Variants in SLC39A10 observed in about 807,000 individuals in gnomAD.
The protein encoded by SLC39A10 is solute carrier family 39 member 10, also known as zinc transporter ZIP10.
A neutral mutation model predicts 65.1 loss-of-function variants in SLC39A10; 13 were observed. The observed-to-expected ratio is 0.20, with a 90% CI of 0.13 to 0.32. The LOEUF (loss-of-function observed/expected upper bound fraction) is 0.32. Ranked by LOEUF, SLC39A10 falls within the 10% of genes least tolerant of loss-of-function variation. SLC39A10 has a pLI of 1.00. For synonymous variants in SLC39A10, 321 were observed against 342.2 expected, an observed-to-expected ratio of 0.94 and a Z score of 0.68; for missense variants, 831 against 1,018.4, an observed-to-expected ratio of 0.82 and a Z score of 2.50.
chr2:195,638,952 G>GTTTTTTTT (rs35269104), intron 2 of SLC39A10, among the ~76,000 whole-genome samples: 4 of 146,748 alleles, frequency 2.7e-5, no homozygotes, highest in African/African-American at 2.5e-5. Context: ...GACCTTGGCA[G>GTTTTTTTT]TTTTTTTTTT....
At chr2:195,634,109 G>A (rs1688650611) in intron 2 of SLC39A10, among the ~76,000 whole-genome samples, 1 of 152,232 alleles carries the variant, frequency 6.6e-6, no homozygotes. Flanking sequence ...GCTGTAACCT[G>A]AAAATTTACA....
At position 195,735,090 on chromosome 2, in the gene SLC39A10, T is replaced by C. The variant is rs1692549708; in HGVS notation, c.*49T>C. The C allele has an allele frequency of 6.3e-7, 1 of 1,575,248 alleles. No homozygotes were observed. The highest frequency in any genetic ancestry group is 1.2e-5 in the South Asian group (1 of 83,632). ...TTACGAGAATGTTACCATGCAGCTT[T>C]GCATCTGTTCCTTGTACTGTATGCA... On this transcript the variant is annotated 3_prime_UTR_variant, in exon 10 of 10. Coordinates refer to ENST00000359634, the MANE Select transcript of SLC39A10 (RefSeq NM_020342.3).
chr2:195,670,863 T>C (rs1213116716), intron 1 of SLC39A10, among the ~76,000 whole-genome samples: 1 of 152,254 alleles, frequency 6.6e-6, no homozygotes, highest in East Asian at 1.9e-4. Context: ...CTAGAAATTA[T>C]GTGTTACTGA....
chr2:195,694,287 G>A (rs1184153605), intron 3 of SLC39A10, among the ~76,000 whole-genome samples: 1 of 152,142 alleles, frequency 6.6e-6, no homozygotes, highest in Admixed American at 6.6e-5. Context: ...TTGTTGGGTA[G>A]AATGTTCTGT....
At chr2:195,695,418 A>T (rs1430234114) in intron 3 of SLC39A10, among the ~76,000 whole-genome samples, 1 of 152,158 alleles carries the variant, frequency 6.6e-6, no homozygotes. Flanking sequence ...ACACTCCCAC[A>T]CAACCTGCAG....
intron 9 of SLC39A10, among the ~76,000 whole-genome samples, chr2:195,731,229 T>G (rs568001126): frequency 6.6e-6 from 1 of 152,280 alleles, no homozygotes; most frequent in Admixed American, 6.5e-5. Context: ...CTATCCTTAC[T>G]TCAAATCCTC....
In SLC39A10 at chr2:195,737,657, G is replaced by T; in HGVS notation, c.*2616G>T. On this transcript the variant is annotated 3_prime_UTR_variant, in exon 10 of 10. Coordinates refer to ENST00000359634, the MANE Select transcript of SLC39A10 (RefSeq NM_020342.3). ...GTGTCATTTTATGTATGTTCCTAAT[G>T]CTTATGGAACTCCTCCAAAATAAAG... The T allele has an allele frequency of 3.2e-6, 1 of 315,648 alleles. No homozygotes were observed. Among genetic ancestry groups the T allele is most frequent in the Non-Finnish European group, 6.0e-6 (1 of 167,998 alleles). The allele number at this position is 315,648 out of a possible 1,614,324, so 19.6% of individuals were successfully genotyped here.
chr2:195,669,963 A>G (rs1689788931), intron 1 of SLC39A10, among the ~76,000 whole-genome samples: 2 of 152,220 alleles, frequency 1.3e-5, no homozygotes, highest in African/African-American at 4.8e-5. Flanking sequence ...GATCAAGACC[A>G]TCCTGGCCAA....
intron 9 of SLC39A10, among the ~76,000 whole-genome samples, chr2:195,731,296 C>G (rs1003624574): frequency 6.6e-6 from 1 of 152,146 alleles, no homozygotes; most frequent in Non-Finnish European, 1.5e-5. Flanking sequence ...GATCACCCCT[C>G]CGGAATAGTT....
chr2:195,732,215 G>A (rs544080981), intron 9 of SLC39A10, among the ~76,000 whole-genome samples: 16 of 152,294 alleles, frequency 1.1e-4, no homozygotes, highest in Admixed American at 3.9e-4. Context: ...TTAAGCAGTA[G>A]AATGACATGA....
chr2:195,701,951 G>C (rs1309636615), intron 3 of SLC39A10, among the ~76,000 whole-genome samples: 1 of 152,124 alleles, frequency 6.6e-6, no homozygotes, highest in African/African-American at 2.4e-5. Context: ...AGAGTGTTAG[G>C]ATTACAGGCA....
intron 1 of SLC39A10, among the ~76,000 whole-genome samples, chr2:195,672,391 C>T (rs1055552664): frequency 1.3e-5 from 2 of 152,072 alleles, no homozygotes; most frequent in Admixed American, 6.6e-5. Flanking sequence ...TGGCCTCCTA[C>T]TAAAGTGCCA....
chr2:195,640,154 G>T (rs1336550054), intron 2 of SLC39A10, among the ~76,000 whole-genome samples: 1 of 152,094 alleles, frequency 6.6e-6, no homozygotes, highest in African/African-American at 2.4e-5. Flanking sequence ...GGTAAACACA[G>T]CATAACAGTA....
In SLC39A10 at chr2:195,717,930, C is replaced by A. The variant is rs373437906; in HGVS notation, c.2066-322C>A. Reference sequence around the variant, plus strand: ...CAAGTACAATCTTAGACTTATAAGACTTAAAGTTGACCATCAAACCACTAC... The same window carrying A: ...CAAGTACAATCTTAGACTTATAAGAATTAAAGTTGACCATCAAACCACTAC... On this transcript the variant is annotated intron_variant, in intron 7 of 9. Coordinates refer to ENST00000359634, the MANE Select transcript of SLC39A10 (RefSeq NM_020342.3). Among the ~76,000 whole-genome samples the A allele has an allele frequency of 3.3e-5, 5 of 152,154 alleles. No individual in the cohort carries two copies. In the East Asian group the frequency reaches 9.6e-4, roughly 29 times the overall value.
At chr2:195,686,028 A>G (rs557201176) in intron 3 of SLC39A10, among the ~76,000 whole-genome samples, 5 of 152,224 alleles carry the variant, frequency 3.3e-5, no homozygotes, top group Admixed American at 6.5e-5. Flanking sequence ...ATGAAAAACT[A>G]TGACGGAATT....
At chr2:195,630,855 A>G (rs937026498) in intron 2 of SLC39A10, among the ~76,000 whole-genome samples, 6 of 152,184 alleles carry the variant, frequency 3.9e-5, no homozygotes, top group Non-Finnish European at 5.9e-5. Context: ...TAAAACACCA[A>G]ACATATTTTG....
At chr2:195,618,008 G>A (rs1212215620) in intron 2 of SLC39A10, among the ~76,000 whole-genome samples, 2 of 151,084 alleles carry the variant, frequency 1.3e-5, no homozygotes, top group Non-Finnish European at 2.9e-5. Flanking sequence ...CAAAGTGCTG[G>A]GATTACAGGC....
chr2:195,690,719 T>C (rs896897235), intron 3 of SLC39A10, among the ~76,000 whole-genome samples: 1 of 152,202 alleles, frequency 6.6e-6, no homozygotes, highest in African/African-American at 2.4e-5. Flanking sequence ...AATCTGGTTA[T>C]TCTTTTTGTT....
chr2:195,625,282 T>C (rs1238579997), intron 2 of SLC39A10, among the ~76,000 whole-genome samples: 4 of 146,384 alleles, frequency 2.7e-5, no homozygotes, highest in East Asian at 2.3e-4. Flanking sequence ...TCTTTTTTTT[T>C]CTTTTTTTTT....
Sources: gnomAD v4.1 joint callset for allele counts (sites outside exome capture counted in the v4.1 genomes callset) on GRCh38, gnomAD v4.1.1 for gene constraint, MANE v1.5 for transcripts, NCBI Gene and HGNC (gene_info 2026-07-23, HGNC 2026-07-21) for gene names.